Variants in AGAP1 observed in about 807,000 individuals in gnomAD.
The protein encoded by AGAP1 is ArfGAP with GTPase domain, ankyrin repeat and PH domain 1.
In AGAP1, 29 loss-of-function variants were observed where a neutral mutation model predicts 105.3. The ratio of observed to expected loss-of-function variants is 0.28; its 90% CI spans 0.21 to 0.38. The LOEUF (loss-of-function observed/expected upper bound fraction) is 0.38, where lower values mean the gene tolerates loss of function less well. Ranked by LOEUF, AGAP1 falls within the 10% of genes least tolerant of loss-of-function variation. The probability of loss-of-function intolerance (pLI) is 1.00; values close to 1 mark genes in which losing one functional copy is unlikely to be tolerated. For missense variants in AGAP1, 998 were observed against 1,165.1 expected, an observed-to-expected ratio of 0.86 and a Z score of 2.09; for synonymous variants, 509 against 485.9, an observed-to-expected ratio of 1.05 and a Z score of -0.63.
At position 235,586,796 on chromosome 2, in the gene AGAP1, A is replaced by G. The variant is rs1353557237; in HGVS notation, c.163+91947A>G. 6.6e-6 allele frequency among the ~76,000 whole-genome samples: 1 copy of G among 152,204 alleles called. No individual in the cohort carries two copies. Among genetic ancestry groups the G allele is most frequent in the African/African-American group, 2.4e-5 (1 of 41,452 alleles). Reference sequence around the variant, plus strand: ...TGGGGGACAAATCCTCCCATTCCTGATAGGACAGGAGGGAGCGGTTGGCTG... The same window carrying G: ...TGGGGGACAAATCCTCCCATTCCTGGTAGGACAGGAGGGAGCGGTTGGCTG... On this transcript the variant is annotated intron_variant, in intron 1 of 17. Coordinates refer to ENST00000304032, the MANE Select transcript of AGAP1 (RefSeq NM_001037131.3). The surrounding 1 kb of genome is among the most constrained non-coding windows in gnomAD (Gnocchi z 4.2).
intron 11 of AGAP1, among the ~76,000 whole-genome samples, chr2:235,921,699 CA>C (rs1350960578): frequency 6.6e-6 from 1 of 152,160 alleles, no homozygotes; most frequent in African/African-American, 2.4e-5. Flanking sequence ...CTTAACTAAA[CA>C]AAAGGTATCA....
intron 1 of AGAP1, among the ~76,000 whole-genome samples, chr2:235,624,060 A>G (rs534068775): frequency 6.6e-6 from 1 of 152,336 alleles, no homozygotes; most frequent in East Asian, 1.9e-4. Context: ...CAGTGGCCAA[A>G]TATCAGCTCT....
At chr2:236,024,254 C>T (rs1419222671) in intron 13 of AGAP1, among the ~76,000 whole-genome samples, 1 of 152,008 alleles carries the variant, frequency 6.6e-6, no homozygotes, top group African/African-American at 2.4e-5. Flanking sequence ...CCAGGCTGGT[C>T]TCAAACTCTT....
chr2:235,837,701 C>A (rs1038989891), intron 9 of AGAP1, among the ~76,000 whole-genome samples: 2 of 152,158 alleles, frequency 1.3e-5, no homozygotes, highest in African/African-American at 4.8e-5. Flanking sequence ...CTCTGTATTC[C>A]TGTGAAAGTA....
intron 10 of AGAP1, among the ~76,000 whole-genome samples, chr2:235,898,826 C>T (rs1393078696): frequency 6.6e-6 from 1 of 152,142 alleles, no homozygotes; most frequent in African/African-American, 2.4e-5. Flanking sequence ...AGTGGAGGCA[C>T]TCTGATTTCG....
rs1268976149 is a variant in AGAP1 at position 236,027,788 on chromosome 2, G to T, written c.1646-8773G>T. Among the ~76,000 whole-genome samples the T allele has an allele frequency of 6.6e-6, 1 of 152,082 alleles. No individual in the cohort carries two copies. The highest frequency in any genetic ancestry group is 2.4e-5 in the African/African-American group (1 of 41,420). On this transcript the variant is annotated intron_variant, in intron 13 of 17. Coordinates refer to ENST00000304032, the MANE Select transcript of AGAP1 (RefSeq NM_001037131.3). This position sits in a 1 kb window ranked among gnomAD's most constrained non-coding sequence, Gnocchi z 4.4. The stretch of plus-strand genomic sequence containing the variant: ...CTGTTCATCGGCGTCTCACTACATG[G>T]TGAACTGCTACTCACAGGGAAAAGC...
At chr2:235,990,099 G>A (rs939397439) in intron 13 of AGAP1, among the ~76,000 whole-genome samples, 14 of 152,192 alleles carry the variant, frequency 9.2e-5, no homozygotes, top group Middle Eastern at 6.8e-3. Context: ...GTGCTCTACC[G>A]TTAGGATTCC....
intron 1 of AGAP1, among the ~76,000 whole-genome samples, chr2:235,526,774 C>T (rs577097060): frequency 1.3e-5 from 2 of 152,080 alleles, no homozygotes; most frequent in African/African-American, 4.8e-5. Context: ...TTGAGGTGCT[C>T]GTTGCTACTT....
intron 1 of AGAP1, among the ~76,000 whole-genome samples, chr2:235,676,869 C>T (rs1216117379): frequency 6.6e-6 from 1 of 152,200 alleles, no homozygotes; most frequent in African/African-American, 2.4e-5. Flanking sequence ...AAAGTGCATA[C>T]AGCTGCACTC....
chr2:235,696,871 C>G (rs1343439441), intron 1 of AGAP1, among the ~76,000 whole-genome samples: 1 of 152,052 alleles, frequency 6.6e-6, no homozygotes, highest in East Asian at 1.9e-4. Context: ...GTAATCCTAG[C>G]TACTCGGGAG....
rs1207011034 is a variant in AGAP1, at chr2:235,744,171, C to T, written c.397-527C>T. ...CAGCAGGAGTTCAGCCAAGGATGAG[C>T]CTGGGTTGAATCTTTACCCTTCAAC... is the stretch of plus-strand genomic sequence containing the variant. On this transcript the variant is annotated intron_variant, in intron 4 of 17. Coordinates refer to ENST00000304032, the MANE Select transcript of AGAP1 (RefSeq NM_001037131.3). The surrounding 1 kb of genome is among the most constrained non-coding windows in gnomAD (Gnocchi z 5.2). Among the ~76,000 whole-genome samples, 1 of 152,148 alleles carries T rather than the reference C, an allele frequency of 6.6e-6. No individual in the cohort carries two copies. The highest frequency in any genetic ancestry group is 1.5e-5 in the Non-Finnish European group (1 of 68,030).
In AGAP1 at chr2:236,061,252, G is replaced by A. The variant is rs766046824; in HGVS notation, c.2114+11971G>A. ...GTCGTGGCAAGTGTTGGTGAGGAAC[G>A]TGGAGACACTGGTGCAGCCACTTGG... On this transcript the variant is annotated intron_variant, in intron 16 of 17. Transcript: ENST00000304032. This position sits in a 1 kb window ranked among gnomAD's most constrained non-coding sequence, Gnocchi z 4.1. Among the ~76,000 whole-genome samples the A allele has an allele frequency of 2.0e-5, 3 of 152,174 alleles. No homozygotes were observed. Among genetic ancestry groups the A allele is most frequent in the African/African-American group, 7.2e-5 (3 of 41,442 alleles).
At position 235,517,164 on chromosome 2, in the gene AGAP1, C is replaced by T. The variant is rs766524898; in HGVS notation, c.163+22315C>T. ...ATTCTGTGCCTCACCTGGTCTTTTCCGTGTGTGTGGTCTTCAGTGTTTTTC... is the reference window on the plus strand; with the variant it reads ...ATTCTGTGCCTCACCTGGTCTTTTCTGTGTGTGTGGTCTTCAGTGTTTTTC... On this transcript the variant is annotated intron_variant, in intron 1 of 17. Transcript: ENST00000304032. This position sits in a 1 kb window ranked among gnomAD's most constrained non-coding sequence, Gnocchi z 4.1. 5.3e-5 allele frequency among the ~76,000 whole-genome samples: 8 copies of T among 152,192 alleles called. No homozygotes were observed. Among genetic ancestry groups the T allele is most frequent in the Admixed American group, 1.3e-4 (2 of 15,282 alleles).
chr2:235,789,011 C>G lies in AGAP1; in HGVS notation c.674-8748C>G, dbSNP rs962413007. 6.6e-6 allele frequency among the ~76,000 whole-genome samples: 1 copy of G among 152,010 alleles called. No homozygotes were observed. The highest frequency in any genetic ancestry group is 2.4e-5 in the African/African-American group (1 of 41,390). ...CAGACATTCCTGATTTTTGGCAGCT[C>G]GACTTTGGGATTAAATGTTAAGGAA... On this transcript the variant is annotated intron_variant, in intron 6 of 17. Transcript: ENST00000304032. The surrounding 1 kb of genome is among the most constrained non-coding windows in gnomAD (Gnocchi z 4.2).
At chr2:235,646,270 C>CAAAGAAAA (rs1947381614) in intron 1 of AGAP1, among the ~76,000 whole-genome samples, 4 of 112,992 alleles carry the variant, frequency 3.5e-5, no homozygotes, top group African/African-American at 1.4e-4. Context: ...ACTCTGTCTC[C>CAAAGAAAA]AAAAAAAAAA....
intron 9 of AGAP1, among the ~76,000 whole-genome samples, chr2:235,837,107 T>C (rs1960261120): frequency 6.6e-6 from 1 of 152,170 alleles, no homozygotes; most frequent in Admixed American, 6.5e-5. Context: ...TGCCTCAGCC[T>C]CCCAAGTAGC....
At chr2:235,851,837 G>A (rs1465905709) in intron 9 of AGAP1, among the ~76,000 whole-genome samples, 2 of 152,182 alleles carry the variant, frequency 1.3e-5, no homozygotes, top group African/African-American at 4.8e-5. Flanking sequence ...TGCACACCTC[G>A]CACGTCTCAT....
chr2:236,011,121 C>T (rs1000871925), intron 13 of AGAP1, among the ~76,000 whole-genome samples: 1 of 152,220 alleles, frequency 6.6e-6, no homozygotes, highest in African/African-American at 2.4e-5. Flanking sequence ...AAATTCCCAG[C>T]AGTCGGTGGT....
intron 1 of AGAP1, among the ~76,000 whole-genome samples, chr2:235,605,911 C>T (rs867535735): frequency 6.6e-6 from 1 of 152,186 alleles, no homozygotes; most frequent in African/African-American, 2.4e-5. Context: ...AACAGCACTC[C>T]GGTTGCTTAA....
Sources: gnomAD v4.1 joint callset for allele counts (sites outside exome capture counted in the v4.1 genomes callset) on GRCh38, gnomAD v4.1.1 for gene constraint, Gnocchi (gnomAD v3.1) non-coding constraint, MANE v1.5 for transcripts, NCBI Gene and HGNC (gene_info 2026-07-23, HGNC 2026-07-21) for gene names.